The following ARHGEF3 variants were observed in gnomAD, a reference collection of about 807,000 sequenced individuals.
ARHGEF3 encodes the protein Rho guanine nucleotide exchange factor 3.
Under a neutral mutation model 63.2 loss-of-function variants are expected in ARHGEF3, and 28 were observed. The ratio of observed to expected loss-of-function variants is 0.44; its 90% CI spans 0.33 to 0.61. The LOEUF is 0.61. ARHGEF3 is among the 20% of genes least tolerant of loss of function. The probability of loss-of-function intolerance (pLI) is 0.03; values close to 1 mark genes in which losing one functional copy is unlikely to be tolerated. For missense variants in ARHGEF3, 533 were observed against 659.3 expected, an observed-to-expected ratio of 0.81 and a Z score of 2.10; for synonymous variants, 266 against 254.2, an observed-to-expected ratio of 1.05 and a Z score of -0.44.
chr3:57,004,971 A>AATAAATAT (rs1702412347), intron 2 of ARHGEF3, among the ~76,000 whole-genome samples: 1 of 148,052 alleles, frequency 6.8e-6, no homozygotes, highest in African/African-American at 2.5e-5. Flanking sequence ...AAAATAAATA[A>AATAAATAT]ATATATATAT....
intron 1 of ARHGEF3, among the ~76,000 whole-genome samples, chr3:56,792,626 G>T (rs1400131734): frequency 1.3e-5 from 2 of 152,172 alleles, no homozygotes; most frequent in Non-Finnish European, 2.9e-5. Context: ...ACTCAAGTAA[G>T]TCAAAGAATA....
chr3:56,917,900 C>T (rs1289142728), intron 3 of ARHGEF3, among the ~76,000 whole-genome samples: 6 of 152,198 alleles, frequency 3.9e-5, no homozygotes, highest in African/African-American at 9.7e-5. Flanking sequence ...GCCTTTCAGG[C>T]AAGCATCTGG....
intron 3 of ARHGEF3, among the ~76,000 whole-genome samples, chr3:56,898,069 G>A (rs2041368764): frequency 6.6e-6 from 1 of 151,726 alleles, no homozygotes; most frequent in East Asian, 2.0e-4. Flanking sequence ...TTGTAGAGAC[G>A]GGGTCTCATT....
chr3:57,070,578 G>A (rs7427326), intron 1 of ARHGEF3, among the ~76,000 whole-genome samples: 64,156 of 151,978 alleles, frequency 0.42, 15,887 homozygotes, highest in East Asian at 0.83. Context: ...TGTAACCCCT[G>A]TCAAAATCTC....
At chr3:56,866,845 T>G (rs947521209) in intron 4 of ARHGEF3, among the ~76,000 whole-genome samples, 4 of 152,244 alleles carry the variant, frequency 2.6e-5, no homozygotes, top group African/African-American at 9.6e-5. Flanking sequence ...ATGTTTTTCA[T>G]TTTAATAGAA....
At chr3:57,069,051 T>TA (rs1705729632) in intron 1 of ARHGEF3, among the ~76,000 whole-genome samples, 1 of 151,814 alleles carries the variant, frequency 6.6e-6, no homozygotes, top group African/African-American at 2.4e-5. Flanking sequence ...CTCTCTCTAG[T>TA]AACTGGGATT....
At chr3:56,869,253 G>C (rs961307467) in intron 4 of ARHGEF3, among the ~76,000 whole-genome samples, 1 of 152,146 alleles carries the variant, frequency 6.6e-6, no homozygotes, top group Non-Finnish European at 1.5e-5. Context: ...GGATTGCTAA[G>C]GAGTTAATCC....
intron 2 of ARHGEF3, among the ~76,000 whole-genome samples, chr3:56,974,242 G>C (rs1701035773): frequency 6.6e-6 from 1 of 152,108 alleles, no homozygotes; most frequent in Admixed American, 6.6e-5. Context: ...ACAGGCCAAT[G>C]GGAAATTTCC....
chr3:57,069,111 CG>C, intron 1 of ARHGEF3, among the ~76,000 whole-genome samples: 1 of 152,060 alleles, frequency 6.6e-6, no homozygotes, highest in African/African-American at 2.4e-5. Context: ...TTAGCAGAGA[CG>C]GGGTTTCACC....
chr3:57,017,670 G>A (rs980139961), intron 2 of ARHGEF3, among the ~76,000 whole-genome samples: 2 of 152,164 alleles, frequency 1.3e-5, no homozygotes, highest in African/African-American at 4.8e-5. Context: ...ACGTTGGATT[G>A]AACTCTGTTC....
chr3:56,870,288 T>TA (rs1162497045), intron 4 of ARHGEF3, among the ~76,000 whole-genome samples: 1 of 152,078 alleles, frequency 6.6e-6, no homozygotes, highest in Non-Finnish European at 1.5e-5. Flanking sequence ...TTTTCAGTGA[T>TA]AAAAAAGTAG....
intron 3 of ARHGEF3, among the ~76,000 whole-genome samples, chr3:56,896,899 T>C (rs1171362126): frequency 6.6e-6 from 1 of 152,230 alleles, no homozygotes; most frequent in African/African-American, 2.4e-5. Context: ...TGGCTTAGAC[T>C]ATTTAGTTGA....
At chr3:56,876,397 A>T (rs531363296) in intron 4 of ARHGEF3, among the ~76,000 whole-genome samples, 1 of 152,302 alleles carries the variant, frequency 6.6e-6, no homozygotes, top group East Asian at 1.9e-4. Flanking sequence ...CTCGGCCTCA[A>T]TGAGGGTCTT....
At chr3:56,849,684 A>G (rs2039606724) in intron 4 of ARHGEF3, among the ~76,000 whole-genome samples, 1 of 151,906 alleles carries the variant, frequency 6.6e-6, no homozygotes, top group Non-Finnish European at 1.5e-5. Context: ...AAAACAAGAA[A>G]TTTAATCACC....
At chr3:56,971,589 C>T (rs138702771) in intron 2 of ARHGEF3, among the ~76,000 whole-genome samples, 3 of 151,940 alleles carry the variant, frequency 2.0e-5, no homozygotes, top group East Asian at 1.9e-4. Context: ...CGGTGGCTCA[C>T]GCCTGAAATT....
At chr3:57,073,440 A>G (rs1249946825) in intron 1 of ARHGEF3, 3 of 456,358 alleles carry the variant, frequency 6.6e-6, no homozygotes, top group Non-Finnish European at 1.1e-5. Context: ...GACAAGCGTG[A>G]AAGAGCTTCC....
chr3:56,847,174 T>A (rs1383501989), intron 4 of ARHGEF3, among the ~76,000 whole-genome samples: 1 of 152,174 alleles, frequency 6.6e-6, no homozygotes, highest in Non-Finnish European at 1.5e-5. Context: ...CACCAAATCA[T>A]AAACTACAGA....
intron 4 of ARHGEF3, among the ~76,000 whole-genome samples, chr3:56,860,301 C>T (rs2040030211): frequency 6.6e-6 from 1 of 152,066 alleles, no homozygotes; most frequent in Admixed American, 6.6e-5. Context: ...CCTTAGCTTC[C>T]TGAGTAGTGT....
At chr3:57,044,954 G>C (rs1402538174) in intron 1 of ARHGEF3, among the ~76,000 whole-genome samples, 1 of 152,162 alleles carries the variant, frequency 6.6e-6, no homozygotes, top group Non-Finnish European at 1.5e-5. Context: ...GAACAAAAAA[G>C]TTTTAAAACC....
Sources: allele counts gnomAD v4.1 joint callset (sites outside exome capture counted in the v4.1 genomes callset), GRCh38; gene constraint gnomAD v4.1.1; transcripts MANE v1.5; gene names NCBI Gene and HGNC (gene_info 2026-07-23, HGNC 2026-07-21).